The following ICE2 variants were observed in gnomAD, a reference collection of about 807,000 sequenced individuals.
ICE2 encodes the protein little elongation complex subunit 2.
Under a neutral mutation model 105.4 loss-of-function variants are expected in ICE2, and 87 were observed. The observed-to-expected ratio is 0.83, with a 90% CI of 0.69 to 0.99. The LOEUF is 0.99. Among genes scored for constraint, ICE2 ranks in the 50% least tolerant of loss-of-function variants. The pLI, the probability that ICE2 is intolerant of heterozygous loss-of-function variation, is 0.00. For synonymous variants in ICE2, 399 were observed against 392.0 expected (o/e 1.02, Z -0.21); for missense variants, 1,323 against 1,146.7 (o/e 1.15, Z -2.22).
chr15:60,463,260 G>A (rs2064329957), intron 5 of ICE2, among the ~76,000 whole-genome samples: 1 of 152,154 alleles, frequency 6.6e-6, no homozygotes, highest in South Asian at 2.1e-4. Context: ...CAAAAGAAAT[G>A]TATGAGAATT....
rs572523090 is a variant in ICE2, at chr15:60,461,993, A to G, written c.528+4601T>C. Among the ~76,000 whole-genome samples, 11 of 152,344 alleles carry G rather than the reference A, an allele frequency of 7.2e-5. No homozygotes were observed. In the South Asian group the frequency reaches 2.1e-3, roughly 29 times the overall value. On this transcript the variant is annotated intron_variant, in intron 5 of 15. Coordinates refer to ENST00000261520, the MANE Select transcript of ICE2 (RefSeq NM_024611.6). ...AATCGTAGTGGACAGAAACACATAT[A>G]TATTTAACTCCATGATTTAATAATA...
In ICE2 at chr15:60,428,620, A is replaced by C. The variant is rs117095293; in HGVS notation, c.2629T>G (p.Ser877Ala). Reference protein sequence around the residue: ...EDSSLLIYKASDGKVTRTAYN... With the variant: ...EDSSLLIYKAADGKVTRTAYN... ...GCTGTCCTAGTAACTTTTCCATCAG[A>C]GGCCTTATAAATCAGGAGTGAAGAA... Residue 877 changes from serine (S) to alanine (A), a missense_variant, in exon 15 of 16, where the codon TCT becomes GCT. Coordinates refer to ENST00000261520, the MANE Select transcript of ICE2 (RefSeq NM_024611.6). The C allele has an allele frequency of 1.1e-3, 1,722 of 1,614,188 alleles. 15 individuals are homozygous for C. In the Middle Eastern group the frequency reaches 0.023, roughly 22 times the overall value.
intron 15 of ICE2, among the ~76,000 whole-genome samples, chr15:60,426,772 C>T (rs2063347650): frequency 6.6e-6 from 1 of 152,110 alleles, no homozygotes; most frequent in Admixed American, 6.5e-5. Context: ...AAGGAATAAA[C>T]CACTCCCACA....
intron 3 of ICE2, 87 bp from the exon 4 acceptor site, chr15:60,468,409 G>A (rs2064490947): frequency 2.9e-6 from 3 of 1,029,898 alleles, no homozygotes; most frequent in South Asian, 1.6e-5. Flanking sequence ...TCACCAGGGA[G>A]AATATAGCGT....
At chr15:60,465,717 T>C (rs2064405275) in intron 5 of ICE2, among the ~76,000 whole-genome samples, 1 of 151,594 alleles carries the variant, frequency 6.6e-6, no homozygotes, top group African/African-American at 2.4e-5. Context: ...TGTGTATATA[T>C]ATATAGTTAT....
At chr15:60,477,800 T>G (rs2064807517) in intron 2 of ICE2, 137 bp downstream of exon 2, 4 of 748,934 alleles carry the variant, frequency 5.3e-6, no homozygotes, top group Non-Finnish European at 4.7e-6. Flanking sequence ...AAGATGAGGA[T>G]AGGGTAAATT....
At chr15:60,457,980 T>G (rs1295683470) in intron 5 of ICE2, among the ~76,000 whole-genome samples, 1 of 152,206 alleles carries the variant, frequency 6.6e-6, no homozygotes. Flanking sequence ...AGACCATTCT[T>G]GTTACATATT....
chr15:60,442,838 T>TGACTG, intron 11 of ICE2: 1 of 210,152 alleles, frequency 4.8e-6, no homozygotes, highest in South Asian at 1.4e-4. Context: ...TCAGGGAATG[T>TGACTG]GACTGACAGC....
chr15:60,438,628 T>A, intron 12 of ICE2: 1 of 152,214 alleles, frequency 6.6e-6, no homozygotes, highest in East Asian at 1.9e-4. Context: ...TGAAAGAAAT[T>A]CATTTAAAAA....
rs990931856 is a variant in ICE2, at chr15:60,435,470, A to T, written c.2510+673T>A. Reference sequence around the variant, plus strand: ...CAAAATTAGCCAGGCGTGGTGGCGCATGCCTGTAATCCCAGCTACTCAGGA... The same window carrying T: ...CAAAATTAGCCAGGCGTGGTGGCGCTTGCCTGTAATCCCAGCTACTCAGGA... On this transcript the variant is annotated intron_variant, in intron 13 of 15. Coordinates refer to ENST00000261520, the MANE Select transcript of ICE2 (RefSeq NM_024611.6). 7.4e-4 allele frequency among the ~76,000 whole-genome samples: 111 copies of T among 149,504 alleles called. 1 individual carries two copies. The highest frequency in any genetic ancestry group is 2.6e-3 in the African/African-American group (107 of 40,442).
intron 12 of ICE2, chr15:60,438,130 TAA>T (rs1310190013): frequency 6.6e-6 from 1 of 152,134 alleles, no homozygotes; most frequent in African/African-American, 2.4e-5. Flanking sequence ...AAGAGTGACA[TAA>T]AAGAGTCCTG....
intron 11 of ICE2, among the ~76,000 whole-genome samples, chr15:60,446,928 A>AT: frequency 6.6e-6 from 1 of 152,068 alleles, no homozygotes. Flanking sequence ...CTCAAGAAAA[A>AT]TTAAAGGAAA....
At chr15:60,477,616 T>A (rs1225393463) in intron 2 of ICE2, among the ~76,000 whole-genome samples, 1 of 152,198 alleles carries the variant, frequency 6.6e-6, no homozygotes, top group African/African-American at 2.4e-5. Flanking sequence ...ATTACTTGTA[T>A]GGAAATGGGC....
At chr15:60,451,046 G>C (rs2063953753) in intron 9 of ICE2, 1 of 442,712 alleles carries the variant, frequency 2.3e-6, no homozygotes, top group African/African-American at 2.1e-5. Context: ...GCGTTATATA[G>C]AAAAGGGAGA....
intron 5 of ICE2, among the ~76,000 whole-genome samples, chr15:60,457,674 T>C (rs566288811): frequency 1.3e-5 from 2 of 152,314 alleles, no homozygotes; most frequent in South Asian, 2.1e-4. Flanking sequence ...TCAGAACCCC[T>C]TCCGCCCTTT....
Position 60,449,357 on chromosome 15 carries a change from G to A in ICE2, c.1610C>T (p.Ala537Val). The A allele has an allele frequency of 6.2e-7, 1 of 1,613,082 alleles. No individual in the cohort carries two copies. The highest frequency in any genetic ancestry group is 8.5e-7 in the Non-Finnish European group (1 of 1,179,792). The change falls in exon 10 of 16, where the codon GCT becomes GTT. Residue 537 changes from alanine to valine, a missense_variant. Transcript: ENST00000261520. The stretch of plus-strand genomic sequence containing the variant: ...TAGAACATTAGGTCTTTCACCATCA[G>A]CATGTAATATATCTATAGTCATATC... Reference protein sequence around the residue: ...KNDMTIDILHADGERPNVLEN... With the variant: ...KNDMTIDILHVDGERPNVLEN...
At chr15:60,457,235 A>G (rs2064151568) in intron 5 of ICE2, among the ~76,000 whole-genome samples, 1 of 152,188 alleles carries the variant, frequency 6.6e-6, no homozygotes, top group Non-Finnish European at 1.5e-5. Flanking sequence ...GAGAAATGTT[A>G]TAACTAATCC....
At chr15:60,426,751 T>C (rs1436559990) in intron 15 of ICE2, among the ~76,000 whole-genome samples, 1 of 152,218 alleles carries the variant, frequency 6.6e-6, no homozygotes, top group Non-Finnish European at 1.5e-5. Flanking sequence ...AAACTGTTCA[T>C]TTTCACTAAA....
chr15:60,445,907 T>C (rs569803806), intron 11 of ICE2: 4 of 341,592 alleles, frequency 1.2e-5, no homozygotes, highest in African/African-American at 2.2e-5. Flanking sequence ...ACCTTGAAAA[T>C]ACAATCTATA....
Sources: gnomAD v4.1 joint callset for allele counts (sites outside exome capture counted in the v4.1 genomes callset) on GRCh38, gnomAD v4.1.1 for gene constraint, MANE v1.5 for transcripts, NCBI Gene and HGNC (gene_info 2026-07-23, HGNC 2026-07-21) for gene names.